The following CFAP20DC variants were observed in gnomAD, a reference collection of about 807,000 sequenced individuals.
CFAP20DC encodes protein CFAP20DC.
In CFAP20DC, 84 loss-of-function variants were observed where a neutral mutation model predicts 101.7. The ratio of observed to expected loss-of-function variants is 0.83; its 90% CI spans 0.69 to 0.99. The LOEUF (loss-of-function observed/expected upper bound fraction) is 0.99, where lower values mean the gene tolerates loss of function less well. Among genes scored for constraint, CFAP20DC ranks in the 50% least tolerant of loss-of-function variants. The pLI, the probability that CFAP20DC is intolerant of heterozygous loss-of-function variation, is 0.00. For missense variants in CFAP20DC, 1,007 were observed against 970.3 expected, an observed-to-expected ratio of 1.04 and a Z score of -0.50; for synonymous variants, 359 against 351.2, an observed-to-expected ratio of 1.02 and a Z score of -0.25.
chr3:58,739,561 T>C (rs1241261437), downstream of CFAP20DC, among the ~76,000 whole-genome samples: 1 of 152,272 alleles, frequency 6.6e-6, no homozygotes, highest in African/African-American at 2.4e-5. Context: ...AGCTCCTGCC[T>C]TCTCTGCATG....
chr3:58,903,518 G>T (rs1219586911), intron 6 of CFAP20DC, among the ~76,000 whole-genome samples: 1 of 152,176 alleles, frequency 6.6e-6, no homozygotes, highest in Non-Finnish European at 1.5e-5. Flanking sequence ...AAGGAAAGAG[G>T]TTTAATTGAC....
chr3:58,804,466 G>T (rs1305153272), intron 15 of CFAP20DC, among the ~76,000 whole-genome samples: 1 of 151,528 alleles, frequency 6.6e-6, no homozygotes, highest in Non-Finnish European at 1.5e-5. Flanking sequence ...GGGTTCAAGA[G>T]ATTCTTGTGC....
intron 12 of CFAP20DC, among the ~76,000 whole-genome samples, chr3:58,854,151 A>G (rs553054167): frequency 2.0e-5 from 3 of 152,138 alleles, no homozygotes; most frequent in African/African-American, 7.2e-5. Context: ...AGGATACAAA[A>G]TCAATGTACA....
At chr3:58,910,363 T>C (rs2084025922) in intron 6 of CFAP20DC, among the ~76,000 whole-genome samples, 1 of 152,178 alleles carries the variant, frequency 6.6e-6, no homozygotes, top group Non-Finnish European at 1.5e-5. Flanking sequence ...CTGCATCATT[T>C]GATTGATAGA....
intron 4 of CFAP20DC, among the ~76,000 whole-genome samples, chr3:58,989,840 T>G (rs2092878778): frequency 6.6e-6 from 1 of 152,126 alleles, no homozygotes. Flanking sequence ...AATGAGCCAT[T>G]TATTGATTTA....
At chr3:58,968,273 T>C (rs1454421917) in intron 4 of CFAP20DC, among the ~76,000 whole-genome samples, 2 of 152,192 alleles carry the variant, frequency 1.3e-5, no homozygotes, top group East Asian at 3.9e-4. Context: ...TTTAGCTCTT[T>C]GAGGAATCAC....
intron 4 of CFAP20DC, among the ~76,000 whole-genome samples, chr3:58,944,032 TGAAA>T (rs2089004094): frequency 6.6e-6 from 1 of 152,000 alleles, no homozygotes; most frequent in Non-Finnish European, 1.5e-5. Flanking sequence ...GAAAAAAGAA[TGAAA>T]GAGAATGAAC....
At chr3:58,851,813 C>A (rs892406375) in intron 12 of CFAP20DC, among the ~76,000 whole-genome samples, 1 of 151,928 alleles carries the variant, frequency 6.6e-6, no homozygotes, top group South Asian at 2.1e-4. Context: ...GGAGTCAAAC[C>A]AGGGTTATAA....
chr3:58,741,965 G>GA, downstream of CFAP20DC: 1 of 542,928 alleles, frequency 1.8e-6, no homozygotes, highest in Non-Finnish European at 2.3e-6. Context: ...GAATATTCTG[G>GA]AAAAGAAAGT....
intron 4 of CFAP20DC, among the ~76,000 whole-genome samples, chr3:58,981,813 T>G (rs936965267): frequency 6.6e-6 from 1 of 152,094 alleles, no homozygotes; most frequent in Non-Finnish European, 1.5e-5. Context: ...ACTTCATGTC[T>G]AAAACACCAA....
At chr3:58,928,608 T>G (rs895392736) in intron 5 of CFAP20DC, among the ~76,000 whole-genome samples, 1 of 152,168 alleles carries the variant, frequency 6.6e-6, no homozygotes, top group Non-Finnish European at 1.5e-5. Context: ...ATGTTATATA[T>G]GTAATAAAAT....
intron 13 of CFAP20DC, 86 bp from the exon 14 acceptor site, chr3:58,831,975 C>A: frequency 8.7e-7 from 1 of 1,144,174 alleles, no homozygotes; most frequent in East Asian, 2.4e-5. Context: ...ACCCCTACAG[C>A]AGCTCCCCCA....
At chr3:59,039,773 AC>A (rs1374965216) in intron 3 of CFAP20DC, 144 bp from the exon 4 acceptor site, 2 of 421,390 alleles carry the variant, frequency 4.7e-6, no homozygotes, top group East Asian at 7.1e-5. Flanking sequence ...CCTATGAGTT[AC>A]AACCTCATTA....
Position 58,950,011 on chromosome 3 carries a change from T to A in CFAP20DC, c.279-12249A>T, listed in dbSNP as rs192598596. Among the ~76,000 whole-genome samples the A allele has an allele frequency of 2.8e-3, 426 of 152,312 alleles. 1 individual carries two copies. Among genetic ancestry groups the A allele is most frequent in the Non-Finnish European group, 5.2e-3 (354 of 68,028 alleles). The stretch of plus-strand genomic sequence containing the variant: ...TGTTTGCAGATGACATGATTGTATA[T>A]CTAGAAAACCCCATCGTCTCAGCCC... On this transcript the variant is annotated intron_variant, in intron 4 of 16. Transcript: ENST00000482387.
chr3:58,959,973 G>GT (rs2090989920), intron 4 of CFAP20DC, among the ~76,000 whole-genome samples: 1 of 151,920 alleles, frequency 6.6e-6, no homozygotes, highest in Non-Finnish European at 1.5e-5. Context: ...TAAATTTTCT[G>GT]GTTTTTTTTC....
intron 4 of CFAP20DC, among the ~76,000 whole-genome samples, chr3:59,035,708 C>T (rs1304398342): frequency 6.6e-6 from 1 of 152,020 alleles, no homozygotes; most frequent in African/African-American, 2.4e-5. Flanking sequence ...TAATTAATAC[C>T]CTACCAACCA....
intron 5 of CFAP20DC, among the ~76,000 whole-genome samples, chr3:58,936,880 A>T (rs1195043241): frequency 1.3e-5 from 2 of 152,132 alleles, no homozygotes; most frequent in East Asian, 3.8e-4. Context: ...ATATGTAACT[A>T]ACCTGCACAT....
chr3:58,841,707 T>C (rs995764225), intron 13 of CFAP20DC, among the ~76,000 whole-genome samples: 2 of 152,368 alleles, frequency 1.3e-5, no homozygotes, highest in South Asian at 2.1e-4. Flanking sequence ...AAAAGTTATA[T>C]GGCTCATTTT....
rs1353094919 is a variant in CFAP20DC at position 58,869,277 on chromosome 3, T to G, written c.1015+51A>C. On this transcript the variant is annotated intron_variant, in intron 9 of 16. Transcript: ENST00000482387. This position sits in a 1 kb window ranked among gnomAD's most constrained non-coding sequence, Gnocchi z 4.3. ...CTGCTGATTTATCTTAACAAGAACATTTCTCACTATTTTCACTAGCTATCA... is the reference window on the plus strand; with the variant it reads ...CTGCTGATTTATCTTAACAAGAACAGTTCTCACTATTTTCACTAGCTATCA... The G allele has an allele frequency of 7.0e-7, 1 of 1,424,926 alleles. No individual in the cohort carries two copies. Among genetic ancestry groups the G allele is most frequent in the Admixed American group, 1.9e-5 (1 of 52,524 alleles). 88.3% of individuals were successfully genotyped at this position (1,424,926 alleles called of 1,614,324 possible).
Sources: allele counts gnomAD v4.1 joint callset (sites outside exome capture counted in the v4.1 genomes callset), GRCh38; gene constraint gnomAD v4.1.1; non-coding constraint Gnocchi (gnomAD v3.1); transcripts MANE v1.5; gene names NCBI Gene and HGNC (gene_info 2026-07-23, HGNC 2026-07-21).